RS1: variants seen among roughly 807,000 people sequenced by gnomAD.
RS1 encodes retinoschisin 1.
In RS1, 2 loss-of-function variants were observed where a neutral mutation model predicts 20.8. The ratio of observed to expected loss-of-function variants is 0.10; its 90% CI spans 0.04 to 0.30. RS1 has a LOEUF of 0.30. Among genes scored for constraint, RS1 ranks in the 10% least tolerant of loss-of-function variants. The pLI, the probability that RS1 is intolerant of heterozygous loss-of-function variation, is 1.00. For missense variants in RS1, 151 were observed against 189.8 expected, an observed-to-expected ratio of 0.80 and a Z score of 1.20; for synonymous variants, 70 against 75.8, an observed-to-expected ratio of 0.92 and a Z score of 0.40.
intron 3 of RS1, among the ~76,000 whole-genome samples, chrX:18,656,228 G>A (rs1248836657): frequency 1.8e-5 from 2 of 111,383 alleles, no homozygotes; most frequent in Non-Finnish European, 3.8e-5. Flanking sequence ...CTGAGCTCAA[G>A]CAGTCCACCC....
Position 18,671,956 on chromosome X carries a change from C to T in RS1, c.52+61G>A, listed in dbSNP as rs765691829. 2.8e-5 allele frequency: 27 copies of T among 947,571 alleles called. 1 individual carries two copies. The highest frequency in any genetic ancestry group is 2.7e-4 in the Middle Eastern group (1 of 3,656). 78.1% of individuals were successfully genotyped at this position (947,571 alleles called of 1,213,427 possible). A position where few individuals can be genotyped will look rare whatever the true frequency, so the allele number is the denominator to read the frequency against. On this transcript the variant is annotated intron_variant, in intron 1 of 5. Coordinates refer to ENST00000379984, the MANE Select transcript of RS1 (RefSeq NM_000330.4). Reference sequence around the variant, plus strand: ...TTCAGGCTATATTCCTATTTATCAACGATATTAATTAAATTATGTATTAAG... The same window carrying T: ...TTCAGGCTATATTCCTATTTATCAATGATATTAATTAAATTATGTATTAAG...
chrX:18,661,718 C>T (rs1270210801), intron 1 of RS1, among the ~76,000 whole-genome samples: 1 of 111,885 alleles, frequency 8.9e-6, no homozygotes, highest in East Asian at 2.8e-4. Context: ...CCAAACTCCA[C>T]CTCGTTCCGC....
intron 1 of RS1, among the ~76,000 whole-genome samples, chrX:18,658,735 G>A (rs1480453262): frequency 1.8e-5 from 2 of 110,503 alleles, no homozygotes; most frequent in Non-Finnish European, 3.8e-5. Context: ...GGGGTTACAG[G>A]CATGAGCCAC....
At chrX:18,645,264 C>T (rs956432303) in intron 4 of RS1, among the ~76,000 whole-genome samples, 1 of 111,566 alleles carries the variant, frequency 9.0e-6, no homozygotes, top group Non-Finnish European at 1.9e-5. Flanking sequence ...AAGCCCTGGG[C>T]CACCTTCTCT....
chrX:18,657,251 C>T (rs1211750524), intron 2 of RS1, among the ~76,000 whole-genome samples: 5 of 74,953 alleles, frequency 6.7e-5, no homozygotes, highest in Admixed American at 3.5e-4. Flanking sequence ...GACAGAGTCT[C>T]GCTTTGTCAC....
At chrX:18,643,998 G>C (rs931363150) in intron 5 of RS1, among the ~76,000 whole-genome samples, 1 of 110,990 alleles carries the variant, frequency 9.0e-6, no homozygotes, top group Non-Finnish European at 1.9e-5. Context: ...TGGGTAACTT[G>C]CTAGGTTCTC....
chrX:18,660,311 G>C (rs1439231334), intron 1 of RS1, among the ~76,000 whole-genome samples: 5 of 108,506 alleles, frequency 4.6e-5, no homozygotes, highest in Non-Finnish European at 7.6e-5. Flanking sequence ...TGCCTTCCGG[G>C]TTCAAGCGAT....
At position 18,641,556 on chromosome X, in the gene RS1, A is replaced by AAC. The variant is rs1927575527; in HGVS notation, c.*446_*447dup. 1 of 142,731 alleles carries AAC rather than the reference A, an allele frequency of 7.0e-6. No individual in the cohort carries two copies. Among genetic ancestry groups the AAC allele is most frequent in the African/African-American group, 3.2e-5 (1 of 31,213 alleles). The allele number at this position is 142,731 out of a possible 1,213,427, so 11.8% of individuals were successfully genotyped here. A position where few individuals can be genotyped will look rare whatever the true frequency, so the allele number is the denominator to read the frequency against. ...TCCTCTTTGGCGATGATTTAGTGGA[A>AAC]ACTTAACTAGGAGGAGCTGCTCCCT... is the stretch of plus-strand genomic sequence containing the variant. On this transcript the variant is annotated 3_prime_UTR_variant, in exon 6 of 6. Transcript: ENST00000379984.
chrX:18,663,132 G>A (rs1892962230), intron 1 of RS1, among the ~76,000 whole-genome samples: 2 of 104,155 alleles, frequency 1.9e-5, no homozygotes, highest in South Asian at 8.5e-4. Flanking sequence ...TCGGCCTCCT[G>A]GGTTCAAGCG....
chrX:18,652,668 CA>C (rs112755044), intron 3 of RS1, among the ~76,000 whole-genome samples: 45 of 104,151 alleles, frequency 4.3e-4, no homozygotes, highest in East Asian at 1.2e-3. Context: ...GACTACATTT[CA>C]AAAAAAAAAA....
At chrX:18,646,837 A>G (rs1336379854) in intron 4 of RS1, among the ~76,000 whole-genome samples, 1 of 112,072 alleles carries the variant, frequency 8.9e-6, no homozygotes. Flanking sequence ...CCCTGGCTGC[A>G]TGGATGAGGT....
rs188476734 is a variant in RS1 at position 18,666,871 on chromosome X, G to A, written c.52+5146C>T. On this transcript the variant is annotated intron_variant, in intron 1 of 5. Coordinates refer to ENST00000379984, the MANE Select transcript of RS1 (RefSeq NM_000330.4). ...TAGAGCTGCCATTTGCGGGGCGGGC[G>A]GAAGGGGAAGAAGGTTTCAGCGAAG... 3.4e-3 allele frequency among the ~76,000 whole-genome samples: 376 copies of A among 111,061 alleles called. 1 individual carries two copies. Among genetic ancestry groups the A allele is most frequent in the Admixed American group, 0.029 (303 of 10,406 alleles).
chrX:18,642,819 C>G (rs1406075393), intron 5 of RS1, among the ~76,000 whole-genome samples: 2 of 109,084 alleles, frequency 1.8e-5, no homozygotes, highest in African/African-American at 3.4e-5. Flanking sequence ...GCGGGCGGAT[C>G]GTTTGAGGTC....
intron 1 of RS1, among the ~76,000 whole-genome samples, chrX:18,662,303 T>A (rs1308101739): frequency 8.9e-6 from 1 of 112,571 alleles, no homozygotes; most frequent in African/African-American, 3.2e-5. Context: ...AACGACTTTT[T>A]AAAAAAATTA....
In RS1 at chrX:18,656,524, A is replaced by C. The variant is rs6633108; in HGVS notation, c.184+129T>G. The C allele has an allele frequency of 0.031, 17,707 of 575,524 alleles. 727 individuals are homozygous for C. Among genetic ancestry groups the C allele is most frequent in the East Asian group, 0.16 (4,875 of 30,354 alleles). 47.4% of individuals were successfully genotyped at this position (575,524 alleles called of 1,213,427 possible). A position where few individuals can be genotyped will look rare whatever the true frequency, so the allele number is the denominator to read the frequency against. On this transcript the variant is annotated intron_variant, in intron 3 of 5. Coordinates refer to ENST00000379984, the MANE Select transcript of RS1 (RefSeq NM_000330.4). ...GTAATAAATAGTAATAAATACACAC[A>C]GCTACCACTCATCTTTCATTCTAAA...
intron 1 of RS1, among the ~76,000 whole-genome samples, chrX:18,661,395 G>A (rs1281113639): frequency 9.0e-6 from 1 of 111,474 alleles, no homozygotes; most frequent in Non-Finnish European, 1.9e-5. Flanking sequence ...GTCTAGGGGC[G>A]AATGTTTACA....
At chrX:18,644,116 T>A (rs1470536550) in intron 5 of RS1, among the ~76,000 whole-genome samples, 1 of 112,005 alleles carries the variant, frequency 8.9e-6, no homozygotes, top group African/African-American at 3.2e-5. Context: ...TGAAGCAAAG[T>A]GCATTCAATG....
intron 1 of RS1, among the ~76,000 whole-genome samples, chrX:18,663,032 C>CTTTTTTTTTTTT (rs55857398): frequency 1.3e-5 from 1 of 74,787 alleles, no homozygotes; most frequent in African/African-American, 6.4e-5. Context: ...AGAACAATGA[C>CTTTTTTTTTTTT]TTTTTTTTTT....
chrX:18,662,504 A>G (rs912791923), intron 1 of RS1, among the ~76,000 whole-genome samples: 5 of 109,955 alleles, frequency 4.5e-5, no homozygotes, highest in Non-Finnish European at 7.6e-5. Context: ...CTCTGTCTCC[A>G]AGTGTTTTCA....
Sources: gnomAD v4.1 joint callset for allele counts (sites outside exome capture counted in the v4.1 genomes callset) on GRCh38, gnomAD v4.1.1 for gene constraint, MANE v1.5 for transcripts, NCBI Gene and HGNC (gene_info 2026-07-23, HGNC 2026-07-21) for gene names.